The following MPHOSPH6 variants were observed in gnomAD, a reference collection of about 807,000 sequenced individuals.
The protein encoded by MPHOSPH6 is M-phase phosphoprotein 6.
MPHOSPH6 carries 25 observed loss-of-function variants against 21.8 expected under a neutral mutation model. The observed-to-expected ratio is 1.15, with a 90% CI of 0.83 to 1.60. The LOEUF (loss-of-function observed/expected upper bound fraction) is 1.60, where lower values mean the gene tolerates loss of function less well. Among genes scored for constraint, MPHOSPH6 ranks in the 40% most tolerant of loss-of-function variants. The pLI is 0.00. For missense variants in MPHOSPH6, 269 were observed against 181.8 expected (o/e 1.48, Z -2.76); for synonymous variants, 84 against 56.5 (o/e 1.49, Z -2.18).
intron 4 of MPHOSPH6, 123 bp from the exon 5 acceptor site, chr16:82,148,986 AG>A: frequency 8.0e-7 from 1 of 1,256,972 alleles, no homozygotes; most frequent in Non-Finnish European, 1.1e-6. Flanking sequence ...TATCATTAAA[AG>A]AAACCATCTG....
chr16:82,148,640 TTAA>T lies in MPHOSPH6; in HGVS notation c.*88_*90del. The T allele has an allele frequency of 7.0e-7, 1 of 1,436,646 alleles. No individual in the cohort carries two copies. Among genetic ancestry groups the T allele is most frequent in the South Asian group, 1.4e-5 (1 of 71,386 alleles). The allele number at this position is 1,436,646 out of a possible 1,614,324, so 89.0% of individuals were successfully genotyped here. ...CTCTTTACAAGTAAACGTTACAGTA[TTAA>T]TAACTATAGAGACACCATTGGGATG... is the stretch of plus-strand genomic sequence containing the variant. On this transcript the variant is annotated 3_prime_UTR_variant, in exon 5 of 5. Transcript: ENST00000258169.
intron 2 of MPHOSPH6, among the ~76,000 whole-genome samples, chr16:82,161,268 A>G (rs1161281465): frequency 6.6e-6 from 1 of 152,156 alleles, no homozygotes; most frequent in African/African-American, 2.4e-5. Flanking sequence ...AGGAAAGGCT[A>G]TTGTCCCTCC....
At chr16:82,149,826 TGGTG>T (rs1463023349) in intron 3 of MPHOSPH6, among the ~76,000 whole-genome samples, 1 of 152,066 alleles carries the variant, frequency 6.6e-6, no homozygotes, top group Non-Finnish European at 1.5e-5. Context: ...CTCTTGGTGG[TGGTG>T]GTGGTGAGTG....
At chr16:82,150,732 G>T (rs149840401) in intron 3 of MPHOSPH6, among the ~76,000 whole-genome samples, 110 of 152,298 alleles carry the variant, frequency 7.2e-4, no homozygotes, top group African/African-American at 2.6e-3. Context: ...CCACCACAAA[G>T]AATTATCTGG....
Position 82,148,881 on chromosome 16 carries a change from A to C in MPHOSPH6, c.351-18T>G. On this transcript the variant is annotated intron_variant, in intron 4 of 4. Coordinates refer to ENST00000258169, the MANE Select transcript of MPHOSPH6 (RefSeq NM_005792.2). Reference sequence around the variant, plus strand: ...TCTCATATCTGTCAAGAGGACAGGCAGCACACGTTTAATTTCAAATAAAAA... The same window carrying C: ...TCTCATATCTGTCAAGAGGACAGGCCGCACACGTTTAATTTCAAATAAAAA... 1 of 1,613,038 alleles carries C rather than the reference A, an allele frequency of 6.2e-7. No individual in the cohort carries two copies. The highest frequency in any genetic ancestry group is 8.5e-7 in the Non-Finnish European group (1 of 1,179,618).
intron 1 of MPHOSPH6, among the ~76,000 whole-genome samples, chr16:82,166,520 C>T (rs1906785742): frequency 6.6e-6 from 1 of 152,212 alleles, no homozygotes; most frequent in East Asian, 1.9e-4. Context: ...GCCTCATCAA[C>T]ACTGGAATAT....
intron 3 of MPHOSPH6, among the ~76,000 whole-genome samples, 169 bp from the exon 4 acceptor site, chr16:82,149,572 A>G (rs1408307764): frequency 6.6e-6 from 1 of 152,226 alleles, no homozygotes; most frequent in Non-Finnish European, 1.5e-5. Flanking sequence ...TAAGAGAAGT[A>G]AGCTCTGAGT....
At chr16:82,165,144 T>TTTTTTTTTTG (rs1555540871) in intron 1 of MPHOSPH6, among the ~76,000 whole-genome samples, 36 of 108,678 alleles carry the variant, frequency 3.3e-4, no homozygotes, top group Non-Finnish European at 5.2e-4. Flanking sequence ...TTTTTTTTTT[T>TTTTTTTTTTG]TGAGACAGAG....
intron 2 of MPHOSPH6, among the ~76,000 whole-genome samples, chr16:82,153,535 T>C (rs1004595678): frequency 2.6e-5 from 4 of 152,112 alleles, no homozygotes; most frequent in African/African-American, 9.7e-5. Flanking sequence ...GGGGCTTTAG[T>C]TGAAAAAAAT....
intron 1 of MPHOSPH6, among the ~76,000 whole-genome samples, chr16:82,168,350 A>G (rs1906855526): frequency 6.6e-6 from 1 of 152,192 alleles, no homozygotes; most frequent in Admixed American, 6.5e-5. Context: ...TATGCATGAA[A>G]GTGCTTGACA....
chr16:82,169,909 T>C (rs780999272), intron 1 of MPHOSPH6, among the ~76,000 whole-genome samples: 4 of 152,170 alleles, frequency 2.6e-5, no homozygotes, highest in Non-Finnish European at 5.9e-5. Flanking sequence ...CAAGCTCCCA[T>C]CCGCCCGCGG....
intron 1 of MPHOSPH6, among the ~76,000 whole-genome samples, chr16:82,165,884 A>T (rs1906762196): frequency 1.3e-5 from 2 of 152,214 alleles, no homozygotes; most frequent in Non-Finnish European, 2.9e-5. Context: ...TCATGTGTTA[A>T]GTAACACATG....
At chr16:82,155,360 G>A (rs939521305) in intron 2 of MPHOSPH6, among the ~76,000 whole-genome samples, 28 of 152,138 alleles carry the variant, frequency 1.8e-4, no homozygotes. Context: ...GAGATAAAAT[G>A]TATAACTGTC....
In MPHOSPH6 at chr16:82,163,109, G is replaced by C. The variant is rs528527718; in HGVS notation, c.164+973C>G. ...TGGTGGGACATACTTTCTATCTTTA[G>C]AGAAGGGTATCTAACCTTCAAACAA... On this transcript the variant is annotated intron_variant, in intron 2 of 4. Transcript: ENST00000258169. 3.9e-5 allele frequency among the ~76,000 whole-genome samples: 6 copies of C among 152,282 alleles called. No individual in the cohort carries two copies. The South Asian group carries it at 6.2e-4, about 16-fold the overall frequency.
At position 82,165,368 on chromosome 16, in the gene MPHOSPH6, C is replaced by T. The variant is rs536028051; in HGVS notation, c.52-1174G>A. 9.2e-5 allele frequency among the ~76,000 whole-genome samples: 14 copies of T among 152,006 alleles called. No homozygotes were observed. The East Asian group carries it at 2.5e-3, about 27-fold the overall frequency. On this transcript the variant is annotated intron_variant, in intron 1 of 4. Transcript: ENST00000258169. ...CTCAAACTCCTGACTTTGTGATCCA[C>T]CCGCCTCGGCCTCCCAAAGTGCTGG... is the stretch of plus-strand genomic sequence containing the variant.
At chr16:82,170,066 C>G in intron 1 of MPHOSPH6, 59 bp downstream of exon 1, 1 of 1,543,070 alleles carries the variant, frequency 6.5e-7, no homozygotes, top group Non-Finnish European at 8.7e-7. Flanking sequence ...CGGCCCCGGC[C>G]AGGTTGGAAG....
intron 1 of MPHOSPH6, among the ~76,000 whole-genome samples, chr16:82,168,656 G>C (rs1004485972): frequency 1.3e-5 from 2 of 152,062 alleles, no homozygotes; most frequent in South Asian, 2.1e-4. Context: ...ATTTTTTGTA[G>C]AGATGGGGTT....
At position 82,161,505 on chromosome 16, in the gene MPHOSPH6, A is replaced by G. The variant is rs151227929; in HGVS notation, c.164+2577T>C. On this transcript the variant is annotated intron_variant, in intron 2 of 4. Coordinates refer to ENST00000258169, the MANE Select transcript of MPHOSPH6 (RefSeq NM_005792.2). ...CTCTTTCTGGACCATATCCTTGGGG[A>G]AAAAAACAATAAGGCAATAGATAGC... is the stretch of plus-strand genomic sequence containing the variant. 9.2e-5 allele frequency among the ~76,000 whole-genome samples: 14 copies of G among 152,340 alleles called. No individual in the cohort carries two copies. In the East Asian group the frequency reaches 2.7e-3, roughly 29 times the overall value.
chr16:82,168,315 TCAGTA>T (rs1205415011), intron 1 of MPHOSPH6, among the ~76,000 whole-genome samples: 3 of 152,142 alleles, frequency 2.0e-5, no homozygotes, highest in African/African-American at 4.8e-5. Context: ...CAAACTCTGT[TCAGTA>T]AAGATTCAAA....
Sources: gnomAD v4.1 joint callset for allele counts (sites outside exome capture counted in the v4.1 genomes callset) on GRCh38, gnomAD v4.1.1 for gene constraint, MANE v1.5 for transcripts, NCBI Gene and HGNC (gene_info 2026-07-23, HGNC 2026-07-21) for gene names.